Variants in ITGB5 observed in about 807,000 individuals in gnomAD.
ITGB5 encodes integrin beta-5.
A neutral mutation model predicts 84.8 loss-of-function variants in ITGB5; 38 were observed. That is an observed-to-expected ratio of 0.45 (90% CI 0.35 to 0.59). The LOEUF is 0.59. ITGB5 is among the 20% of genes least tolerant of loss of function. The pLI is 0.01. For missense variants in ITGB5, 905 were observed against 1,034.5 expected (o/e 0.87, Z 1.72); for synonymous variants, 393 against 414.4 (o/e 0.95, Z 0.63).
At chr3:124,802,493 C>T (rs1404131668) in intron 9 of ITGB5, among the ~76,000 whole-genome samples, 1 of 152,216 alleles carries the variant, frequency 6.6e-6, no homozygotes, top group Non-Finnish European at 1.5e-5. Context: ...ACAGACCCCT[C>T]TCCTTCAACG....
chr3:124,876,450 A>T lies in ITGB5; in HGVS notation c.71-2919T>A, dbSNP rs115003469. ...CTTCTCCTTTGTCACTAGCAGTAAAAACTCACAGAAATCGCAAACGGCAAA... is the reference window on the plus strand; with the variant it reads ...CTTCTCCTTTGTCACTAGCAGTAAATACTCACAGAAATCGCAAACGGCAAA... On this transcript the variant is annotated intron_variant, in intron 1 of 14. Coordinates refer to ENST00000296181, the MANE Select transcript of ITGB5 (RefSeq NM_002213.5). Among the ~76,000 whole-genome samples, 1,136 of 152,240 alleles carry T rather than the reference A, an allele frequency of 7.5e-3. 9 individuals are homozygous for T. The highest frequency in any genetic ancestry group is 0.026 in the African/African-American group (1,061 of 41,542).
chr3:124,770,910 CT>C (rs1171239715), intron 11 of ITGB5, among the ~76,000 whole-genome samples: 1 of 151,966 alleles, frequency 6.6e-6, no homozygotes, highest in African/African-American at 2.4e-5. Flanking sequence ...CACCCTCCCC[CT>C]GCACCAGCCT....
At chr3:124,825,249 A>G (rs977657130) in intron 5 of ITGB5, among the ~76,000 whole-genome samples, 18 of 152,260 alleles carry the variant, frequency 1.2e-4, no homozygotes, top group Non-Finnish European at 2.4e-4. Context: ...ATTGCCTAAG[A>G]GAATACAAAA....
intron 2 of ITGB5, among the ~76,000 whole-genome samples, chr3:124,868,652 T>C (rs1349280495): frequency 7.0e-6 from 1 of 143,180 alleles, no homozygotes; most frequent in Non-Finnish European, 1.5e-5. Flanking sequence ...AATCAAAAAC[T>C]TGCCTGGATG....
intron 1 of ITGB5, among the ~76,000 whole-genome samples, chr3:124,881,697 G>T (rs1934576495): frequency 6.6e-6 from 1 of 152,144 alleles, no homozygotes; most frequent in Non-Finnish European, 1.5e-5. Flanking sequence ...GCCAGGAGTG[G>T]TGGCTCATGC....
At chr3:124,810,556 C>A (rs1211344958) in intron 8 of ITGB5, among the ~76,000 whole-genome samples, 2 of 151,790 alleles carry the variant, frequency 1.3e-5, no homozygotes, top group African/African-American at 4.8e-5. Context: ...TATGATCATG[C>A]CAGTGCACTC....
intron 10 of ITGB5, chr3:124,792,368 A>C (rs2064161505): frequency 6.6e-6 from 1 of 152,214 alleles, no homozygotes; most frequent in Non-Finnish European, 1.5e-5. Context: ...ATGATTTTTA[A>C]ATTTCTTACT....
intron 5 of ITGB5, among the ~76,000 whole-genome samples, chr3:124,831,922 T>G (rs1355783160): frequency 6.6e-6 from 1 of 151,976 alleles, no homozygotes; most frequent in Non-Finnish European, 1.5e-5. Flanking sequence ...CCCTCCAAAT[T>G]AGGAATGAGA....
chr3:124,817,725 T>TA lies in ITGB5; in HGVS notation c.1039-16dup. 1 of 1,483,406 alleles carries TA rather than the reference T, an allele frequency of 6.7e-7. No individual in the cohort carries two copies. The highest frequency in any genetic ancestry group is 9.4e-7 in the Non-Finnish European group (1 of 1,068,366). 91.9% of individuals were successfully genotyped at this position (1,483,406 alleles called of 1,614,324 possible). Reference sequence around the variant, plus strand: ...GCTGTAAAATTCTTGGGAAAAAAAGTAAAGAAAAGAAATAAGTTCATTTTG... The same window carrying TA: ...GCTGTAAAATTCTTGGGAAAAAAAGTAAAAGAAAAGAAATAAGTTCATTTTG... On this transcript the variant is annotated splice_polypyrimidine_tract_variant and intron_variant, in intron 7 of 14. Transcript: ENST00000296181.
rs199639139 is a variant in ITGB5, at chr3:124,821,355, G to A, written c.900C>T (p.Cys300=). ...GGLVQPHDGQ[C]HLNEANEYTA... ...TGTACTCGTTGGCCTCGTTCAGGTGGCACTGGCCATCGTGTGGCTGCACCA... is the reference window on the plus strand; with the variant it reads ...TGTACTCGTTGGCCTCGTTCAGGTGACACTGGCCATCGTGTGGCTGCACCA... The change falls in exon 6 of 15, where the codon TGC becomes TGT. Residue 300 remains cysteine, a synonymous_variant. Transcript: ENST00000296181. 38 of 1,614,172 alleles carry A rather than the reference G, an allele frequency of 2.4e-5. No homozygotes were observed. The East Asian group carries it at 7.8e-4, about 33-fold the overall frequency.
chr3:124,864,194 G>A (rs1392118291), intron 2 of ITGB5, among the ~76,000 whole-genome samples: 2 of 126,858 alleles, frequency 1.6e-5, no homozygotes, highest in South Asian at 2.8e-4. Flanking sequence ...TGCAAGGTCC[G>A]CCTCCCGGTT....
At chr3:124,876,331 A>G (rs1200561814) in intron 1 of ITGB5, among the ~76,000 whole-genome samples, 2 of 152,026 alleles carry the variant, frequency 1.3e-5, no homozygotes, top group Non-Finnish European at 2.9e-5. Flanking sequence ...TTAAAAAGTA[A>G]AAGAGAAGAA....
chr3:124,875,823 A>G (rs72974554), intron 1 of ITGB5, among the ~76,000 whole-genome samples: 3,554 of 152,268 alleles, frequency 0.023, 131 homozygotes, highest in African/African-American at 0.081. Flanking sequence ...ATTCAGCCTT[A>G]AAAAATTGAG....
At chr3:124,770,608 C>G (rs539987424) in intron 11 of ITGB5, among the ~76,000 whole-genome samples, 1 of 152,114 alleles carries the variant, frequency 6.6e-6, no homozygotes, top group Non-Finnish European at 1.5e-5. Context: ...TCACTAAGTC[C>G]CCTTTATTTT....
intron 5 of ITGB5, among the ~76,000 whole-genome samples, chr3:124,833,290 T>G (rs866754122): frequency 1.7e-4 from 26 of 152,220 alleles, no homozygotes; most frequent in Middle Eastern, 3.2e-3. Flanking sequence ...CATTTTGGAA[T>G]GAAGAAGGTT....
At chr3:124,804,524 G>A (rs1297929926) in intron 9 of ITGB5, among the ~76,000 whole-genome samples, 1 of 151,958 alleles carries the variant, frequency 6.6e-6, no homozygotes, top group Non-Finnish European at 1.5e-5. Flanking sequence ...CTGCAGCCTG[G>A]TAACAAGAGC....
chr3:124,850,490 A>G (rs1449359702), intron 3 of ITGB5, among the ~76,000 whole-genome samples: 1 of 133,818 alleles, frequency 7.5e-6, no homozygotes, highest in Non-Finnish European at 1.5e-5. Context: ...TAGGCGCCTC[A>G]GGATTGATGG....
At position 124,848,216 on chromosome 3, in the gene ITGB5, A is replaced by G. The variant is rs1457968437; in HGVS notation, c.611+93T>C. ...CTAAGCCTGGCCACCCCTCCTAACC[A>G]TGCCTTCCTTAATTCTTTCTTTGAG... On this transcript the variant is annotated intron_variant, in intron 4 of 14. Coordinates refer to ENST00000296181, the MANE Select transcript of ITGB5 (RefSeq NM_002213.5). 4.7e-6 allele frequency: 7 copies of G among 1,473,814 alleles called. No homozygotes were observed. The East Asian group carries it at 1.6e-4, about 34-fold the overall frequency. The allele number at this position is 1,473,814 out of a possible 1,614,324, so 91.3% of individuals were successfully genotyped here. A position where few individuals can be genotyped will look rare whatever the true frequency, so the allele number is the denominator to read the frequency against.
At chr3:124,885,521 G>A (rs1934763282) in intron 1 of ITGB5, among the ~76,000 whole-genome samples, 1 of 152,084 alleles carries the variant, frequency 6.6e-6, no homozygotes, top group Non-Finnish European at 1.5e-5. Context: ...TTATTAAGAA[G>A]TATTAAAAGA....
Sources: allele counts gnomAD v4.1 joint callset (sites outside exome capture counted in the v4.1 genomes callset), GRCh38; gene constraint gnomAD v4.1.1; transcripts MANE v1.5; gene names NCBI Gene and HGNC (gene_info 2026-07-23, HGNC 2026-07-21).